RNF216: variants seen among roughly 807,000 people sequenced by gnomAD.
RNF216 encodes E3 ubiquitin-protein ligase RNF216.
RNF216 carries 72 observed loss-of-function variants against 110.8 expected under a neutral mutation model. The observed-to-expected ratio is 0.65, with a 90% CI of 0.54 to 0.79. The LOEUF (loss-of-function observed/expected upper bound fraction) is 0.79. Ranked by LOEUF, RNF216 falls within the 30% of genes least tolerant of loss-of-function variation. The pLI is 0.00. For missense variants in RNF216, 1,342 were observed against 1,141.2 expected, an observed-to-expected ratio of 1.18 and a Z score of -2.54; for synonymous variants, 495 against 407.5, an observed-to-expected ratio of 1.21 and a Z score of -2.59.
At chr7:5,707,730 T>G (rs935951035) in intron 13 of RNF216, among the ~76,000 whole-genome samples, 8 of 145,654 alleles carry the variant, frequency 5.5e-5, no homozygotes, top group Admixed American at 2.1e-4. Flanking sequence ...TTTTTTTTTT[T>G]TTTTTTTTTT....
At chr7:5,658,205 G>C (rs1178521205) in intron 13 of RNF216, among the ~76,000 whole-genome samples, 1 of 152,116 alleles carries the variant, frequency 6.6e-6, no homozygotes, top group East Asian at 1.9e-4. Flanking sequence ...TCTCCTACTG[G>C]GATCTACGTC....
intron 1 of RNF216, among the ~76,000 whole-genome samples, chr7:5,772,082 A>C (rs900109141): frequency 3.3e-5 from 5 of 151,878 alleles, no homozygotes; most frequent in Admixed American, 2.6e-4. Context: ...AAAAATACAA[A>C]ATTAGCTGGG....
chr7:5,724,732 A>T (rs1353813736), intron 8 of RNF216, among the ~76,000 whole-genome samples: 1 of 152,190 alleles, frequency 6.6e-6, no homozygotes, highest in Non-Finnish European at 1.5e-5. Flanking sequence ...ATGTAACAGA[A>T]AGGGATGATC....
intron 16 of RNF216, among the ~76,000 whole-genome samples, chr7:5,623,819 A>G (rs1786540698): frequency 6.6e-6 from 1 of 151,824 alleles, no homozygotes; most frequent in Non-Finnish European, 1.5e-5. Flanking sequence ...GCTCAAACCC[A>G]CCCCTTGGGA....
intron 1 of RNF216, among the ~76,000 whole-genome samples, chr7:5,773,391 C>T (rs970158089): frequency 8.0e-5 from 12 of 150,844 alleles, no homozygotes; most frequent in Non-Finnish European, 1.6e-4. Flanking sequence ...TAAGGGTGCC[C>T]GCCACCAAAC....
At chr7:5,643,546 C>G (rs114769567) in intron 14 of RNF216, among the ~76,000 whole-genome samples, 2,844 of 152,148 alleles carry the variant, frequency 0.019, 79 homozygotes, top group African/African-American at 0.064. Flanking sequence ...GTGCTCACCA[C>G]CAGCCAGTGT....
intron 6 of RNF216, among the ~76,000 whole-genome samples, chr7:5,730,024 T>C (rs1377741754): frequency 6.6e-6 from 1 of 152,210 alleles, no homozygotes; most frequent in Non-Finnish European, 1.5e-5. Context: ...TCACAAATAA[T>C]GACAATGATT....
chr7:5,712,801 C>G lies in RNF216; in HGVS notation c.1896G>C (p.Lys632Asn). Residue 632 changes from lysine to asparagine, a missense_variant, in exon 12 of 17, where the codon AAG (lysine) becomes AAC (asparagine). Coordinates refer to ENST00000389902, the MANE Select transcript of RNF216 (RefSeq NM_207111.4). Reference sequence around the variant, plus strand: ...TATACAGGATGGTCTGGGGGAGCACCTTCTCCAGCTCACTGGTTGGGAACG... The same window carrying G: ...TATACAGGATGGTCTGGGGGAGCACGTTCTCCAGCTCACTGGTTGGGAACG... ...TCSFPTSELE[K>N]VLPQTILYKY... is the part of the protein sequence containing the mutation. The G allele has an allele frequency of 6.2e-7, 1 of 1,614,004 alleles. No homozygotes were observed. Among genetic ancestry groups the G allele is most frequent in the Non-Finnish European group, 8.5e-7 (1 of 1,179,988 alleles).
intron 2 of RNF216, among the ~76,000 whole-genome samples, chr7:5,759,187 G>C (rs117898897): frequency 3.9e-4 from 60 of 152,224 alleles, no homozygotes; most frequent in African/African-American, 1.2e-3. Flanking sequence ...CTTCTGTCAT[G>C]ATTGTAAGTT....
chr7:5,703,388 G>T (rs1041733905), intron 13 of RNF216, among the ~76,000 whole-genome samples: 1 of 152,190 alleles, frequency 6.6e-6, no homozygotes, highest in African/African-American at 2.4e-5. Context: ...CCAACCACCC[G>T]CCATCACAGC....
intron 1 of RNF216, among the ~76,000 whole-genome samples, chr7:5,765,878 G>A (rs190237245): frequency 1.0e-4 from 15 of 150,628 alleles, no homozygotes; most frequent in Admixed American, 2.7e-4. Flanking sequence ...GCTTGAACCC[G>A]GGAGGCAGAG....
chr7:5,711,640 G>A (rs1792697735), intron 13 of RNF216, 121 bp downstream of exon 13: 2 of 775,568 alleles, frequency 2.6e-6, no homozygotes, highest in Admixed American at 2.6e-5. Context: ...CTTATGAAAA[G>A]GAAAGCACTC....
intron 1 of RNF216, among the ~76,000 whole-genome samples, chr7:5,779,282 T>G (rs932579529): frequency 1.3e-5 from 2 of 151,892 alleles, no homozygotes; most frequent in African/African-American, 4.8e-5. Context: ...GCTTCAGGAG[T>G]TCTCTTTTAT....
rs1361909932 is a variant in RNF216, at chr7:5,753,127, T to G, written c.68-148A>C. ...CTCAAGCAGCCCGTGCACTTAAGCATTAAGAGCCATGTTTCTATGCTGACT... is the reference window on the plus strand; with the variant it reads ...CTCAAGCAGCCCGTGCACTTAAGCAGTAAGAGCCATGTTTCTATGCTGACT... On this transcript the variant is annotated intron_variant, in intron 2 of 16. Transcript: ENST00000389902. 5.7e-5 allele frequency: 39 copies of G among 686,246 alleles called. No homozygotes were observed. In the East Asian group the frequency reaches 1.2e-3, roughly 21 times the overall value. 42.5% of individuals were successfully genotyped at this position (686,246 alleles called of 1,614,324 possible). A position where few individuals can be genotyped will look rare whatever the true frequency, so the allele number is the denominator to read the frequency against.
intron 5 of RNF216, 26 bp downstream of exon 5, chr7:5,739,250 C>CA (rs1336569843): frequency 1.3e-6 from 2 of 1,512,808 alleles, no homozygotes; most frequent in Non-Finnish European, 1.8e-6. Context: ...ACCACCACCA[C>CA]AAAAAAAGCA....
intron 7 of RNF216, among the ~76,000 whole-genome samples, chr7:5,726,790 G>A (rs753538833): frequency 1.3e-5 from 2 of 151,752 alleles, no homozygotes; most frequent in African/African-American, 2.4e-5. Flanking sequence ...CCTGGAAAGC[G>A]GAGGTTGCAG....
chr7:5,745,144 G>C (rs961038421), intron 3 of RNF216, among the ~76,000 whole-genome samples: 4 of 152,064 alleles, frequency 2.6e-5, no homozygotes, highest in African/African-American at 9.7e-5. Flanking sequence ...ATCCCCAGCA[G>C]CACATTACTA....
chr7:5,690,211 C>G (rs1205671973), intron 13 of RNF216, among the ~76,000 whole-genome samples: 1 of 151,080 alleles, frequency 6.6e-6, no homozygotes, highest in Admixed American at 6.6e-5. Context: ...CCTGTAATCC[C>G]AGCTACTTGG....
chr7:5,712,525 G>A (rs1465908623), intron 12 of RNF216, among the ~76,000 whole-genome samples, 190 bp downstream of exon 12: 1 of 151,340 alleles, frequency 6.6e-6, no homozygotes, highest in African/African-American at 2.4e-5. Flanking sequence ...TAGAATTACT[G>A]GTTACTCAAT....
Sources: allele counts gnomAD v4.1 joint callset (sites outside exome capture counted in the v4.1 genomes callset), GRCh38; gene constraint gnomAD v4.1.1; transcripts MANE v1.5; gene names NCBI Gene and HGNC (gene_info 2026-07-23, HGNC 2026-07-21).